UBE2E2: variants seen among roughly 807,000 people sequenced by gnomAD.
UBE2E2 encodes ubiquitin-conjugating enzyme E2 E2.
A neutral mutation model predicts 24.7 loss-of-function variants in UBE2E2; 6 were observed. The observed-to-expected ratio is 0.24, with a 90% confidence interval of 0.13 to 0.48. The LOEUF (loss-of-function observed/expected upper bound fraction) is 0.48. Among genes scored for constraint, UBE2E2 ranks in the 20% least tolerant of loss-of-function variants. The pLI is 0.99. For missense variants in UBE2E2, 169 were observed against 245.0 expected (o/e 0.69, Z 2.07); for synonymous variants, 104 against 83.6 (o/e 1.24, Z -1.33).
chr3:23,550,226 A>G (rs888750565), intron 5 of UBE2E2, among the ~76,000 whole-genome samples: 1 of 152,148 alleles, frequency 6.6e-6, no homozygotes, highest in Non-Finnish European at 1.5e-5. Flanking sequence ...TAATCTAGAT[A>G]ACTATTGAGG....
Position 23,342,124 on chromosome 3 carries a change from A to G in UBE2E2, c.227+124812A>G, listed in dbSNP as rs564498887. Among the ~76,000 whole-genome samples, 18 of 151,686 alleles carry G rather than the reference A, an allele frequency of 1.2e-4. No homozygotes were observed. The South Asian group carries it at 2.9e-3, about 25-fold the overall frequency. On this transcript the variant is annotated intron_variant, in intron 3 of 5. Transcript: ENST00000396703. ...GAGGAAAGCTATTGACAGAAACACTATTTATTTCTGTCTAGCTAAAAAGAG... is the reference window on the plus strand; with the variant it reads ...GAGGAAAGCTATTGACAGAAACACTGTTTATTTCTGTCTAGCTAAAAAGAG...
chr3:23,331,050 T>C (rs1695046339), intron 3 of UBE2E2, among the ~76,000 whole-genome samples: 1 of 152,224 alleles, frequency 6.6e-6, no homozygotes, highest in South Asian at 2.1e-4. Context: ...TTCATTTTCT[T>C]TCAACCTATT....
intron 1 of UBE2E2, among the ~76,000 whole-genome samples, chr3:23,205,138 G>A (rs1306724438): frequency 6.6e-6 from 1 of 152,086 alleles, no homozygotes; most frequent in African/African-American, 2.4e-5. Context: ...CAATATGTAA[G>A]CCTCTTAATA....
intron 3 of UBE2E2, among the ~76,000 whole-genome samples, chr3:23,403,750 G>A (rs1697285666): frequency 6.6e-6 from 1 of 151,524 alleles, no homozygotes; most frequent in South Asian, 2.1e-4. Flanking sequence ...CTTGAACCCG[G>A]GAGGTGGAGG....
chr3:23,272,802 A>G (rs1456533122), intron 3 of UBE2E2, among the ~76,000 whole-genome samples: 2 of 152,234 alleles, frequency 1.3e-5, no homozygotes, highest in Non-Finnish European at 1.5e-5. Flanking sequence ...GTCCAAGTCC[A>G]GAGGCCTGAG....
intron 3 of UBE2E2, among the ~76,000 whole-genome samples, chr3:23,427,366 G>A (rs561101843): frequency 6.6e-6 from 1 of 152,030 alleles, no homozygotes; most frequent in African/African-American, 2.4e-5. Context: ...GGAGGCATAG[G>A]TTGCAGTGAG....
intron 4 of UBE2E2, among the ~76,000 whole-genome samples, chr3:23,526,180 T>C (rs929725312): frequency 1.3e-5 from 2 of 152,186 alleles, no homozygotes; most frequent in African/African-American, 4.8e-5. Flanking sequence ...TACAAATGTT[T>C]ATGTTGGAGT....
intron 4 of UBE2E2, among the ~76,000 whole-genome samples, chr3:23,503,503 C>T (rs1183232986): frequency 6.6e-6 from 1 of 151,990 alleles, no homozygotes; most frequent in Non-Finnish European, 1.5e-5. Flanking sequence ...AGTTCCTTTA[C>T]ATTTTGCTGG....
At chr3:23,471,735 A>T (rs897979520) in intron 3 of UBE2E2, among the ~76,000 whole-genome samples, 1 of 152,242 alleles carries the variant, frequency 6.6e-6, no homozygotes, top group Non-Finnish European at 1.5e-5. Flanking sequence ...AGTAGAATCC[A>T]AATTAAGCAG....
At chr3:23,220,306 G>T (rs1325662782) in intron 3 of UBE2E2, among the ~76,000 whole-genome samples, 5 of 151,974 alleles carry the variant, frequency 3.3e-5, no homozygotes, top group Non-Finnish European at 1.5e-5. Flanking sequence ...TCACTTTATT[G>T]TTGTCTTTGA....
In UBE2E2 at chr3:23,328,843, G is replaced by T. The variant is rs188029209; in HGVS notation, c.227+111531G>T. Among the ~76,000 whole-genome samples the T allele has an allele frequency of 2.7e-4, 41 of 152,070 alleles. 1 individual carries two copies. The highest frequency in any genetic ancestry group is 3.9e-4 in the East Asian group (2 of 5,164). ...TGCCCGGCTGATTTTTATATTTTTTGTAGAGACGGGGTTTCACCATGTTGG... is the reference window on the plus strand; with the variant it reads ...TGCCCGGCTGATTTTTATATTTTTTTTAGAGACGGGGTTTCACCATGTTGG... On this transcript the variant is annotated intron_variant, in intron 3 of 5. Coordinates refer to ENST00000396703, the MANE Select transcript of UBE2E2 (RefSeq NM_152653.4).
At chr3:23,312,728 T>A (rs1694445524) in intron 3 of UBE2E2, among the ~76,000 whole-genome samples, 1 of 152,180 alleles carries the variant, frequency 6.6e-6, no homozygotes, top group Non-Finnish European at 1.5e-5. Flanking sequence ...ATTTGAGTTC[T>A]TTTTTGACGT....
intron 3 of UBE2E2, among the ~76,000 whole-genome samples, chr3:23,232,340 T>C (rs1219832892): frequency 6.6e-6 from 1 of 152,372 alleles, no homozygotes; most frequent in East Asian, 1.9e-4. Context: ...CTCAGATTAT[T>C]GCATGTTGTT....
At chr3:23,542,693 C>T (rs768225912) in intron 5 of UBE2E2, among the ~76,000 whole-genome samples, 11 of 152,098 alleles carry the variant, frequency 7.2e-5, no homozygotes, top group Non-Finnish European at 1.6e-4. Context: ...ATAATACCTG[C>T]TTATTAATTT....
chr3:23,460,546 A>G (rs987261970), intron 3 of UBE2E2, among the ~76,000 whole-genome samples: 1 of 152,238 alleles, frequency 6.6e-6, no homozygotes, highest in Non-Finnish European at 1.5e-5. Context: ...ATATTGATAT[A>G]TAATCAGAGG....
chr3:23,317,237 G>C (rs1007885906), intron 3 of UBE2E2, among the ~76,000 whole-genome samples: 1 of 152,178 alleles, frequency 6.6e-6, no homozygotes, highest in African/African-American at 2.4e-5. Context: ...TAGAACTGTG[G>C]GGGTAAAGCT....
At chr3:23,458,291 A>T (rs1218153814) in intron 3 of UBE2E2, among the ~76,000 whole-genome samples, 1 of 151,626 alleles carries the variant, frequency 6.6e-6, no homozygotes, top group Non-Finnish European at 1.5e-5. Context: ...GAGCAGTCAC[A>T]CAACATGTAT....
intron 3 of UBE2E2, among the ~76,000 whole-genome samples, chr3:23,296,631 C>A: frequency 6.6e-6 from 1 of 152,200 alleles, no homozygotes. Flanking sequence ...CTGCAAAGGA[C>A]ATGAACTCAT....
chr3:23,547,020 T>C (rs1695540363), intron 5 of UBE2E2, among the ~76,000 whole-genome samples: 1 of 152,240 alleles, frequency 6.6e-6, no homozygotes, highest in South Asian at 2.1e-4. Flanking sequence ...GTTATTTTAT[T>C]GAGCATACAT....
Sources: gnomAD v4.1 joint callset for allele counts (sites outside exome capture counted in the v4.1 genomes callset) on GRCh38, gnomAD v4.1.1 for gene constraint, MANE v1.5 for transcripts, NCBI Gene and HGNC (gene_info 2026-07-23, HGNC 2026-07-21) for gene names.